CSMD3: variants seen among roughly 807,000 people sequenced by gnomAD.
CSMD3 encodes CUB and Sushi multiple domains 3.
A neutral mutation model predicts 435.2 loss-of-function variants in CSMD3; 177 were observed. The ratio of observed to expected loss-of-function variants is 0.41; its 90% confidence interval spans 0.36 to 0.46. The LOEUF (loss-of-function observed/expected upper bound fraction) is 0.46. Among genes scored for constraint, CSMD3 ranks in the 20% least tolerant of loss-of-function variants. The probability of loss-of-function intolerance (pLI) is 0.34; values close to 1 mark genes in which losing one functional copy is unlikely to be tolerated. For synonymous variants in CSMD3, 1,656 were observed against 1,520.5 expected (o/e 1.09, Z -2.07); for missense variants, 4,265 against 4,504.6 (o/e 0.95, Z 1.52).
intron 3 of CSMD3, among the ~76,000 whole-genome samples, chr8:113,203,484 C>T (rs575195367): frequency 6.6e-6 from 1 of 151,674 alleles, no homozygotes; most frequent in African/African-American, 2.4e-5. Context: ...GTTGTCTAGG[C>T]TGGTCTCAAA....
intron 10 of CSMD3, among the ~76,000 whole-genome samples, chr8:112,877,697 A>G (rs566056347): frequency 1.5e-4 from 23 of 152,314 alleles, no homozygotes; most frequent in Non-Finnish European, 3.1e-4. Context: ...CCAAAACAGC[A>G]TGGTACTGGT....
At chr8:112,953,685 A>C (rs1319248368) in intron 8 of CSMD3, among the ~76,000 whole-genome samples, 2 of 151,410 alleles carry the variant, frequency 1.3e-5, no homozygotes, top group African/African-American at 4.8e-5. Flanking sequence ...TAACTGCTCA[A>C]TTTTTGTCAA....
intron 27 of CSMD3, among the ~76,000 whole-genome samples, chr8:112,523,010 G>A (rs776302118): frequency 3.3e-5 from 5 of 151,688 alleles, no homozygotes; most frequent in Non-Finnish European, 7.4e-5. Context: ...AAAACACGCC[G>A]GTTTTCTTAC....
At chr8:113,024,253 TTC>T (rs2086791120) in intron 5 of CSMD3, among the ~76,000 whole-genome samples, 1 of 151,962 alleles carries the variant, frequency 6.6e-6, no homozygotes, top group Non-Finnish European at 1.5e-5. Context: ...CAAAATTTGT[TTC>T]TTTCTTAAGG....
chr8:113,001,331 C>G (rs1051803722), intron 6 of CSMD3, among the ~76,000 whole-genome samples: 1 of 152,088 alleles, frequency 6.6e-6, no homozygotes, highest in African/African-American at 2.4e-5. Flanking sequence ...ATAACTCTCA[C>G]TTAATCCTGC....
chr8:112,245,939 C>A (rs1319111476), intron 64 of CSMD3, among the ~76,000 whole-genome samples: 1 of 152,106 alleles, frequency 6.6e-6, no homozygotes, highest in East Asian at 1.9e-4. Flanking sequence ...CCATCTTAAG[C>A]CCTATGTTAT....
Position 112,223,045 on chromosome 8 carries a change from A to G in CSMD3, c.*1726T>C, listed in dbSNP as rs1202434990. On this transcript the variant is annotated 3_prime_UTR_variant, in exon 71 of 71. Transcript: ENST00000297405. ...CTTCTTTACAAAAGTGTATGCATTA[A>G]TATAAGAGGAGTAGCCAGTTGCAGA... is the stretch of plus-strand genomic sequence containing the variant. 2.5e-6 allele frequency: 1 copy of G among 398,440 alleles called. No homozygotes were observed. Among genetic ancestry groups the G allele is most frequent in the Non-Finnish European group, 4.4e-6 (1 of 225,758 alleles). The allele number at this position is 398,440 out of a possible 1,614,324, so 24.7% of individuals were successfully genotyped here. A position where few individuals can be genotyped will look rare whatever the true frequency, so the allele number is the denominator to read the frequency against.
intron 66 of CSMD3, among the ~76,000 whole-genome samples, chr8:112,240,577 G>C (rs1427142540): frequency 6.6e-6 from 1 of 152,098 alleles, no homozygotes; most frequent in East Asian, 1.9e-4. Flanking sequence ...TCCTAATGTA[G>C]TTCTTGGCCC....
chr8:112,767,420 A>G (rs1340772251), intron 13 of CSMD3, among the ~76,000 whole-genome samples: 3 of 151,730 alleles, frequency 2.0e-5, no homozygotes, highest in East Asian at 3.9e-4. Flanking sequence ...CAAGAAATAG[A>G]CTCAAGTTTT....
At chr8:112,911,286 C>T (rs1314836117) in intron 10 of CSMD3, among the ~76,000 whole-genome samples, 3 of 151,688 alleles carry the variant, frequency 2.0e-5, no homozygotes, top group Non-Finnish European at 4.4e-5. Context: ...TATTAAGATA[C>T]AATTGACAAA....
At chr8:112,955,553 A>G (rs1023684864) in intron 7 of CSMD3, among the ~76,000 whole-genome samples, 7 of 151,836 alleles carry the variant, frequency 4.6e-5, no homozygotes, top group African/African-American at 1.7e-4. Context: ...TTTGAAATAT[A>G]AGATACTGTT....
At chr8:112,448,191 G>C (rs2130568163) in intron 32 of CSMD3, among the ~76,000 whole-genome samples, 1 of 152,252 alleles carries the variant, frequency 6.6e-6, no homozygotes, top group African/African-American at 2.4e-5. Context: ...CCTTCTTGCT[G>C]TGTCCTCACA....
chr8:113,435,500 G>A (rs539182793), intron 1 of CSMD3, among the ~76,000 whole-genome samples: 54 of 152,230 alleles, frequency 3.5e-4, no homozygotes, highest in Middle Eastern at 3.4e-3. Context: ...GTTTCATAGA[G>A]ACGCGGCCCG....
intron 5 of CSMD3, among the ~76,000 whole-genome samples, chr8:113,083,956 GA>G (rs1445328447): frequency 6.6e-6 from 1 of 152,018 alleles, no homozygotes; most frequent in Non-Finnish European, 1.5e-5. Flanking sequence ...CTGGACAACA[GA>G]GCAAGATCTT....
chr8:113,387,808 C>A lies in CSMD3; in HGVS notation c.178+48869G>T, dbSNP rs929276985. On this transcript the variant is annotated intron_variant, in intron 1 of 70. Transcript: ENST00000297405. ...ATTAGCAACAATATAGATGCAGCTG[C>A]TAACATGTAGTTCTTACTAAGTGTG... 2.6e-5 allele frequency among the ~76,000 whole-genome samples: 4 copies of A among 151,656 alleles called. No individual in the cohort carries two copies. In the South Asian group the frequency reaches 6.2e-4, roughly 24 times the overall value.
At chr8:113,384,111 T>G (rs1043839423) in intron 1 of CSMD3, among the ~76,000 whole-genome samples, 1 of 152,198 alleles carries the variant, frequency 6.6e-6, no homozygotes, top group South Asian at 2.1e-4. Context: ...AAACCTGTCT[T>G]GATACTTTAG....
intron 4 of CSMD3, among the ~76,000 whole-genome samples, chr8:113,134,799 A>G (rs1234118559): frequency 6.6e-6 from 1 of 151,982 alleles, no homozygotes; most frequent in East Asian, 1.9e-4. Flanking sequence ...GGGTTTATTT[A>G]ACTCATGATT....
rs1429870498 is a variant in CSMD3 at position 112,464,912 on chromosome 8, G to A, written c.5395+7679C>T. Among the ~76,000 whole-genome samples the A allele has an allele frequency of 2.6e-5, 4 of 152,214 alleles. No homozygotes were observed. In the East Asian group the frequency reaches 7.7e-4, roughly 29 times the overall value. ...GAAGTATGCCTCATTTTAATCATCA[G>A]CGTTATTGCCTTACCTAAATATCCC... is the stretch of plus-strand genomic sequence containing the variant. On this transcript the variant is annotated intron_variant, in intron 32 of 70. Transcript: ENST00000297405.
At chr8:112,980,747 A>G (rs1450813831) in intron 6 of CSMD3, among the ~76,000 whole-genome samples, 1 of 151,582 alleles carries the variant, frequency 6.6e-6, no homozygotes, top group Non-Finnish European at 1.5e-5. Context: ...GATTTGTTAC[A>G]TTTTTAAAAA....
Sources: allele counts gnomAD v4.1 joint callset (sites outside exome capture counted in the v4.1 genomes callset), GRCh38; gene constraint gnomAD v4.1.1; transcripts MANE v1.5; gene names NCBI Gene and HGNC (gene_info 2026-07-23, HGNC 2026-07-21).